Variants in TTC39C observed in about 807,000 individuals in gnomAD.
The protein encoded by TTC39C is tetratricopeptide repeat domain 39C.
A neutral mutation model predicts 76.3 loss-of-function variants in TTC39C; 33 were observed. The ratio of observed to expected loss-of-function variants is 0.43; its 90% CI spans 0.33 to 0.58. The LOEUF (loss-of-function observed/expected upper bound fraction) is 0.58. Among genes scored for constraint, TTC39C ranks in the 20% least tolerant of loss-of-function variants. The pLI is 0.04. For synonymous variants in TTC39C, 254 were observed against 260.6 expected, an observed-to-expected ratio of 0.97 and a Z score of 0.24; for missense variants, 595 against 701.4, an observed-to-expected ratio of 0.85 and a Z score of 1.71.
chr18:24,083,676 A>G (rs1158247059), intron 6 of TTC39C, among the ~76,000 whole-genome samples: 2 of 152,192 alleles, frequency 1.3e-5, no homozygotes, highest in Non-Finnish European at 2.9e-5. Context: ...GAGGGCTTCA[A>G]GCAACTTCCT....
intron 1 of TTC39C, chr18:24,020,136 T>C: frequency 8.0e-7 from 1 of 1,255,598 alleles, no homozygotes; most frequent in Non-Finnish European, 1.0e-6. Context: ...AAAGCAGAAA[T>C]GGTTTAAGGG....
intron 1 of TTC39C, among the ~76,000 whole-genome samples, chr18:24,060,041 A>G (rs376354395): frequency 6.6e-6 from 1 of 151,976 alleles, no homozygotes; most frequent in Non-Finnish European, 1.5e-5. Flanking sequence ...CCCTCCCACA[A>G]CACTTGGGAA....
At chr18:24,045,111 A>C (rs146569104) in intron 1 of TTC39C, among the ~76,000 whole-genome samples, 2 of 152,222 alleles carry the variant, frequency 1.3e-5, no homozygotes, top group South Asian at 2.1e-4. Flanking sequence ...TCTACTAAAA[A>C]TACAAAAATT....
chr18:24,075,282 T>C lies in TTC39C; in HGVS notation c.461-5303T>C, dbSNP rs552416712. 9.4e-4 allele frequency among the ~76,000 whole-genome samples: 143 copies of C among 151,676 alleles called. No homozygotes were observed. In the Middle Eastern group the frequency reaches 0.01, roughly 11 times the overall value. ...ACCTGCACATTGTGCACATGTACGC[T>C]AGAACTTAAAGTATAATTAAAAAAA... On this transcript the variant is annotated intron_variant, in intron 4 of 13. Coordinates refer to ENST00000317571, the MANE Select transcript of TTC39C (RefSeq NM_001135993.2).
At chr18:24,023,950 GTATA>G (rs1157099825) in intron 1 of TTC39C, among the ~76,000 whole-genome samples, 51 of 16,892 alleles carry the variant, frequency 3.0e-3, no homozygotes, top group African/African-American at 5.1e-3. Context: ...ATATATGCAT[GTATA>G]TATATATATA....
chr18:24,022,902 T>C lies in TTC39C; in HGVS notation c.167+7864T>C, dbSNP rs1335487359. ...GATTTTTAGCAAAAGGTTGTATGAC[T>C]CCTCTGCACTCCTGCGGCATCCCAT... On this transcript the variant is annotated intron_variant, in intron 1 of 13. Coordinates refer to ENST00000317571, the MANE Select transcript of TTC39C (RefSeq NM_001135993.2). 9.2e-6 allele frequency: 9 copies of C among 980,838 alleles called. No individual in the cohort carries two copies. The East Asian group carries it at 4.5e-4, about 49-fold the overall frequency. The allele number at this position is 980,838 out of a possible 1,614,324, so 60.8% of individuals were successfully genotyped here.
intron 6 of TTC39C, among the ~76,000 whole-genome samples, chr18:24,097,512 T>C (rs536289870): frequency 6.6e-6 from 1 of 152,210 alleles, no homozygotes; most frequent in Non-Finnish European, 1.5e-5. Flanking sequence ...AAGTGAAACT[T>C]TGCTCATCTT....
intron 1 of TTC39C, among the ~76,000 whole-genome samples, chr18:23,993,565 G>A (rs2083236471): frequency 6.6e-6 from 1 of 152,106 alleles, no homozygotes; most frequent in South Asian, 2.1e-4. Context: ...AAATGTCACT[G>A]TGAATTTCAT....
chr18:24,109,947 A>C (rs1450102414), intron 6 of TTC39C, among the ~76,000 whole-genome samples: 2 of 152,142 alleles, frequency 1.3e-5, no homozygotes. Flanking sequence ...CAGAGATTGC[A>C]GTGAGCCGAG....
chr18:24,014,910 C>T lies in TTC39C; in HGVS notation c.39C>T (p.Asp13=), dbSNP rs1336257349. 2.0e-6 allele frequency: 3 copies of T among 1,510,804 alleles called. No individual in the cohort carries two copies. The highest frequency in any genetic ancestry group is 2.5e-5 in the South Asian group (2 of 79,770). The allele number at this position is 1,510,804 out of a possible 1,614,324, so 93.6% of individuals were successfully genotyped here. The change falls in exon 1 of 14, where the codon GAC becomes GAT. Residue 13 remains aspartate, a synonymous_variant. Transcript: ENST00000317571. ...AGCAGCAGCGGCCGCGGCGGCGGGA[C>T]GACGGAGACTCGGACGCGGCAGCGG... The part of the protein sequence containing the change: ...GSEQQRPRRR[D]DGDSDAAAAA...
rs530227266 is a variant in TTC39C at position 24,116,916 on chromosome 18, C to G, written c.1079-1209C>G. Among the ~76,000 whole-genome samples, 9 of 150,128 alleles carry G rather than the reference C, an allele frequency of 6.0e-5. No individual in the cohort carries two copies. In the South Asian group the frequency reaches 1.9e-3, roughly 32 times the overall value. ...TCTCAGCTCACTGCAGCCCAGACCT[C>G]CCCGGCTCAGGTGATCCTCCCACCC... On this transcript the variant is annotated intron_variant, in intron 7 of 13. Transcript: ENST00000317571.
intron 1 of TTC39C, among the ~76,000 whole-genome samples, chr18:23,998,156 T>C (rs2083284193): frequency 6.6e-6 from 1 of 152,220 alleles, no homozygotes; most frequent in African/African-American, 2.4e-5. Flanking sequence ...TTCTCTACTT[T>C]GTAGATGAGG....
In TTC39C at chr18:24,128,950, C is replaced by A; in HGVS notation, c.1485C>A (p.His495Gln). 1 of 1,613,562 alleles carries A rather than the reference C, an allele frequency of 6.2e-7. No homozygotes were observed. Among genetic ancestry groups the A allele is most frequent in the South Asian group, 1.1e-5 (1 of 91,048 alleles). The change falls in exon 11 of 14, where the codon CAC becomes CAA. Residue 495 changes from histidine to glutamine, a missense_variant. By Grantham distance (24) the His-to-Gln change is conservative. Coordinates refer to ENST00000317571, the MANE Select transcript of TTC39C (RefSeq NM_001135993.2). ...GLKYLLLGAI[H>Q]KCLGNSEDAV... ...AGTATTTGCTTCTTGGTGCCATACA[C>A]AAATGTCTAGGAAACTCAGAAGATG...
upstream of TTC39C, among the ~76,000 whole-genome samples, chr18:24,012,233 T>C (rs866142683): frequency 6.6e-6 from 1 of 152,346 alleles, no homozygotes; most frequent in Non-Finnish European, 1.5e-5. Flanking sequence ...ATGATGCTAA[T>C]GTAACTGTTT....
At chr18:24,074,059 T>A (rs2084273952) in intron 4 of TTC39C, among the ~76,000 whole-genome samples, 1 of 152,222 alleles carries the variant, frequency 6.6e-6, no homozygotes, top group African/African-American at 2.4e-5. Context: ...ATGAATGAGA[T>A]GCACTTCATG....
intron 6 of TTC39C, among the ~76,000 whole-genome samples, chr18:24,107,168 T>A (rs1357966789): frequency 6.6e-6 from 1 of 152,204 alleles, no homozygotes; most frequent in African/African-American, 2.4e-5. Context: ...AATTAAGACC[T>A]CATGAATATT....
chr18:24,086,927 T>G (rs913369779), intron 6 of TTC39C, among the ~76,000 whole-genome samples: 3 of 152,176 alleles, frequency 2.0e-5, no homozygotes, highest in African/African-American at 7.2e-5. Flanking sequence ...TGTTTTTTTT[T>G]TTCTTTTGGG....
intron 4 of TTC39C, among the ~76,000 whole-genome samples, chr18:24,071,956 A>G (rs1481465055): frequency 1.3e-5 from 2 of 152,220 alleles, no homozygotes; most frequent in Non-Finnish European, 2.9e-5. Flanking sequence ...TCAGCTTGTC[A>G]TAAACTTATG....
upstream of TTC39C, among the ~76,000 whole-genome samples, chr18:24,012,758 G>A (rs2083402842): frequency 6.6e-6 from 1 of 152,070 alleles, no homozygotes; most frequent in Admixed American, 6.6e-5. Context: ...GGCAGTGTGT[G>A]GCCAGGGGAG....
Sources: gnomAD v4.1 joint callset for allele counts (sites outside exome capture counted in the v4.1 genomes callset) on GRCh38, gnomAD v4.1.1 for gene constraint, MANE v1.5 for transcripts, NCBI Gene and HGNC (gene_info 2026-07-23, HGNC 2026-07-21) for gene names.